The following PGAP2 variants were observed in gnomAD, a reference collection of about 807,000 sequenced individuals.
PGAP2 encodes the protein acyltransferase PGAP2.
In PGAP2, 21 loss-of-function variants were observed where a neutral mutation model predicts 33.2. The ratio of observed to expected loss-of-function variants is 0.63; its 90% CI spans 0.45 to 0.91. PGAP2 has a LOEUF of 0.91. PGAP2 is among the 40% of genes least tolerant of loss of function. PGAP2 has a pLI of 0.00. For missense variants in PGAP2, 345 were observed against 424.0 expected, an observed-to-expected ratio of 0.81 and a Z score of 1.64; for synonymous variants, 161 against 172.9, an observed-to-expected ratio of 0.93 and a Z score of 0.54.
At chr11:3,798,031 A>T in intron 1 of PGAP2, 1 of 1,535,378 alleles carries the variant, frequency 6.5e-7, no homozygotes, top group Non-Finnish European at 8.8e-7. Flanking sequence ...GCTGCTGGGA[A>T]GGCTTCCTAG....
At chr11:3,806,498 A>G (rs1387414654), upstream of PGAP2, among the ~76,000 whole-genome samples, 2 of 152,126 alleles carry the variant, frequency 1.3e-5, no homozygotes, top group African/African-American at 4.8e-5. Context: ...GTCCTCCACC[A>G]TTGCTCCACA....
At chr11:3,808,804 T>C (rs1201679134) in intron 1 of PGAP2, among the ~76,000 whole-genome samples, 153 bp downstream of exon 1, 1 of 152,172 alleles carries the variant, frequency 6.6e-6, no homozygotes, top group Non-Finnish European at 1.5e-5. Context: ...GAACTGCTGC[T>C]CTCTGGACTT....
chr11:3,812,849 T>C (rs61896959), intron 2 of PGAP2, among the ~76,000 whole-genome samples: 14,045 of 152,224 alleles, frequency 0.092, 897 homozygotes, highest in Middle Eastern at 0.16. Context: ...TGTTGAGGTA[T>C]GGACACCCAA....
At chr11:3,805,713 G>T (rs1044855912), upstream of PGAP2, among the ~76,000 whole-genome samples, 2 of 150,688 alleles carry the variant, frequency 1.3e-5, no homozygotes, top group Non-Finnish European at 3.0e-5. Context: ...TTTGAGACAC[G>T]GTCTTGCTCT....
upstream of PGAP2, among the ~76,000 whole-genome samples, chr11:3,807,468 C>T (rs1462737533): frequency 6.6e-6 from 1 of 150,924 alleles, no homozygotes; most frequent in Non-Finnish European, 1.5e-5. Context: ...CCACCGTGCC[C>T]GGCTAATTTT....
chr11:3,821,124 T>C (rs1213604944), intron 3 of PGAP2, among the ~76,000 whole-genome samples: 3 of 152,242 alleles, frequency 2.0e-5, no homozygotes, highest in Non-Finnish European at 4.4e-5. Flanking sequence ...GCTCTACATT[T>C]AGCTTCCTCT....
chr11:3,806,809 G>A (rs554140524), upstream of PGAP2, among the ~76,000 whole-genome samples: 1 of 152,234 alleles, frequency 6.6e-6, no homozygotes, highest in African/African-American at 2.4e-5. Context: ...ATCACCTGAG[G>A]TCAGGAATTC....
At chr11:3,818,075 A>AAT in intron 3 of PGAP2, 1 of 304,518 alleles carries the variant, frequency 3.3e-6, no homozygotes, top group Non-Finnish European at 6.4e-6. Context: ...AAAAAAAAAA[A>AAT]CAGCAGGCTG....
intron 3 of PGAP2, among the ~76,000 whole-genome samples, chr11:3,818,883 T>C (rs1452128773): frequency 6.6e-6 from 1 of 152,104 alleles, no homozygotes; most frequent in Non-Finnish European, 1.5e-5. Context: ...AGCTTGGACA[T>C]TGGGGATCAC....
intron 3 of PGAP2, among the ~76,000 whole-genome samples, chr11:3,819,477 G>C (rs2087975820): frequency 6.6e-6 from 1 of 152,068 alleles, no homozygotes; most frequent in Non-Finnish European, 1.5e-5. Context: ...TTTTTGTGCA[G>C]TTGGCATGGG....
chr11:3,809,540 A>G (rs61896958), intron 1 of PGAP2, among the ~76,000 whole-genome samples: 13,784 of 152,248 alleles, frequency 0.091, 860 homozygotes, highest in Middle Eastern at 0.16. Context: ...CTAGTCTTCA[A>G]TTTGGGAATC....
At chr11:3,818,011 A>C in intron 3 of PGAP2, 1 of 330,554 alleles carries the variant, frequency 3.0e-6, no homozygotes, top group Non-Finnish European at 6.0e-6. Context: ...ACACCATTAT[A>C]CTCCAGCCTG....
At chr11:3,817,289 G>C (rs535477956) in intron 2 of PGAP2, 64 bp from the exon 3 acceptor site, 1 of 1,319,210 alleles carries the variant, frequency 7.6e-7, no homozygotes, top group Admixed American at 2.0e-5. Context: ...CTCTGGAAAA[G>C]GCCCCACTTT....
intron 2 of PGAP2, among the ~76,000 whole-genome samples, chr11:3,815,562 A>G (rs565135074): frequency 6.6e-5 from 10 of 152,194 alleles, no homozygotes; most frequent in African/African-American, 2.4e-4. Context: ...CAGTTCCTTC[A>G]GGCAACCTTC....
intron 3 of PGAP2, chr11:3,817,869 C>T: frequency 2.0e-6 from 1 of 494,594 alleles, no homozygotes; most frequent in Non-Finnish European, 3.9e-6. Flanking sequence ...CATGGTGAAA[C>T]CCCGTCTGTA....
intron 1 of PGAP2, among the ~76,000 whole-genome samples, chr11:3,799,978 A>G (rs1329596903): frequency 6.6e-6 from 1 of 152,200 alleles, no homozygotes; most frequent in Non-Finnish European, 1.5e-5. Flanking sequence ...GGGGAAAAAA[A>G]AGGTGGTGGG....
In PGAP2 at chr11:3,825,655, C is replaced by T. The variant is rs565201689; in HGVS notation, c.*197C>T. ...CCACCCCTCATATGGGCGTGGGGTC[C>T]TCAAACATCACCTTTACCTGAGAGG... On this transcript the variant is annotated 3_prime_UTR_variant, in exon 7 of 7. Coordinates refer to ENST00000278243, the MANE Select transcript of PGAP2 (RefSeq NM_014489.4). The T allele has an allele frequency of 1.3e-4, 60 of 466,406 alleles. No homozygotes were observed. Among genetic ancestry groups the T allele is most frequent in the African/African-American group, 1.2e-3 (60 of 50,516 alleles). 28.9% of individuals were successfully genotyped at this position (466,406 alleles called of 1,614,324 possible). A position where few individuals can be genotyped will look rare whatever the true frequency, so the allele number is the denominator to read the frequency against.
upstream of PGAP2, chr11:3,808,304 C>G (rs2084814864): frequency 1.3e-6 from 2 of 1,551,512 alleles, no homozygotes; most frequent in Non-Finnish European, 1.7e-6. Flanking sequence ...GTAGATGGAA[C>G]GCAGCTGAGA....
rs545586823 is a variant in PGAP2 at position 3,802,340 on chromosome 11, G to T, written c.139+4358G>T. ...TTCCCAGAATTCCTGGCTGGGGAAG[G>T]ACATCTTTGTGAAGCCAGGGGTTCC... On this transcript the variant is annotated intron_variant, in intron 1 of 6. Transcript: ENST00000300730. Among the ~76,000 whole-genome samples the T allele has an allele frequency of 3.0e-4, 46 of 152,310 alleles. No homozygotes were observed. The South Asian group carries it at 9.5e-3, about 32-fold the overall frequency.
Sources: gnomAD v4.1 joint callset for allele counts (sites outside exome capture counted in the v4.1 genomes callset) on GRCh38, gnomAD v4.1.1 for gene constraint, MANE v1.5 for transcripts, NCBI Gene and HGNC (gene_info 2026-07-23, HGNC 2026-07-21) for gene names.